The following CCNH variants were observed in gnomAD, a reference collection of about 807,000 sequenced individuals.
CCNH encodes the protein cyclin H.
Under a neutral mutation model 41.9 loss-of-function variants are expected in CCNH, and 31 were observed. That is an observed-to-expected ratio of 0.74 (90% confidence interval 0.56 to 1.00). The LOEUF (loss-of-function observed/expected upper bound fraction) is 1.00, where lower values mean the gene tolerates loss of function less well. CCNH is among the 50% of genes least tolerant of loss of function. The pLI, the probability that CCNH is intolerant of heterozygous loss-of-function variation, is 0.00. For missense variants in CCNH, 362 were observed against 388.4 expected (o/e 0.93, Z 0.57); for synonymous variants, 138 against 136.1 (o/e 1.01, Z -0.10).
chr5:87,368,842 ATCT>A (rs1274832443), intron 9 of CCNH, among the ~76,000 whole-genome samples: 1 of 152,138 alleles, frequency 6.6e-6, no homozygotes, highest in African/African-American at 2.4e-5. Context: ...GGCTCCTCAA[ATCT>A]TAGCTGCTTT....
intron 9 of CCNH, among the ~76,000 whole-genome samples, chr5:87,326,050 C>A (rs1757209472): frequency 6.6e-6 from 1 of 152,008 alleles, no homozygotes; most frequent in Non-Finnish European, 1.5e-5. Flanking sequence ...TGTCTCACTT[C>A]AGGCTTGACT....
chr5:87,404,876 A>T lies in CCNH; in HGVS notation c.657T>A (p.Ser219=). The T allele has an allele frequency of 1.2e-6, 2 of 1,613,616 alleles. No individual in the cohort carries two copies. Among genetic ancestry groups the T allele is most frequent in the Non-Finnish European group, 1.7e-6 (2 of 1,179,726 alleles). ...PSQIALTAIL[S]SASRAGITME... ...TAGTAATTCCAGCCCTGGAGGCACT[A>T]GATAAAATGGCAGTCAGGGCAATTT... The change falls in exon 5 of 9, where the codon TCT becomes TCA. Residue 219 remains serine (S), a synonymous_variant. Coordinates refer to ENST00000256897, the MANE Select transcript of CCNH (RefSeq NM_001239.4).
chr5:87,358,531 C>T (rs1380980083), intron 9 of CCNH, among the ~76,000 whole-genome samples: 4 of 152,170 alleles, frequency 2.6e-5, no homozygotes, highest in Non-Finnish European at 4.4e-5. Context: ...AGAATATGAC[C>T]ACCACCAGAA....
upstream of CCNH, chr5:87,379,687 ATT>A (rs769114964): frequency 1.1e-4 from 173 of 1,601,378 alleles, no homozygotes; most frequent in African/African-American, 2.1e-3. Context: ...ATTCATTTGC[ATT>A]TGTCATTGCC....
intron 9 of CCNH, among the ~76,000 whole-genome samples, chr5:87,367,330 C>G (rs1410033369): frequency 6.6e-6 from 1 of 152,128 alleles, no homozygotes; most frequent in Non-Finnish European, 1.5e-5. Flanking sequence ...TCTTTATTAT[C>G]AAATTAATGC....
chr5:87,392,830 C>T (rs933233932), downstream of CCNH: 4 of 154,296 alleles, frequency 2.6e-5, no homozygotes, highest in Admixed American at 1.9e-4. Context: ...CACACTTTAA[C>T]GTTTTTAATG....
chr5:87,357,953 T>TA (rs1363356240), intron 9 of CCNH, among the ~76,000 whole-genome samples: 1 of 152,210 alleles, frequency 6.6e-6, no homozygotes, highest in Non-Finnish European at 1.5e-5. Flanking sequence ...ATTTGTAGTC[T>TA]ATTATTTTGG....
At chr5:87,377,119 A>C (rs1265150293) in exon 1 of CCNH, 12 of 1,486,120 alleles carry the variant, frequency 8.1e-6, no homozygotes, top group Middle Eastern at 1.7e-4. Context: ...TCTATCTCTG[A>C]ATATACTAAA....
intron 9 of CCNH, among the ~76,000 whole-genome samples, chr5:87,333,500 T>A (rs767303921): frequency 6.6e-6 from 1 of 152,180 alleles, no homozygotes; most frequent in Non-Finnish European, 1.5e-5. Context: ...CTGGGTTGGC[T>A]TATTTGTTCA....
chr5:87,345,140 G>C (rs896510543), intron 9 of CCNH, among the ~76,000 whole-genome samples: 4 of 152,044 alleles, frequency 2.6e-5, no homozygotes, highest in Non-Finnish European at 4.4e-5. Context: ...TCCCACGCCT[G>C]GCCTAGGAGT....
At chr5:87,384,030 C>T (rs573456823) in intron 9 of CCNH, among the ~76,000 whole-genome samples, 31 of 152,050 alleles carry the variant, frequency 2.0e-4, no homozygotes, top group Non-Finnish European at 3.7e-4. Flanking sequence ...CTTTTTTCTA[C>T]CCCTATTTGT....
At chr5:87,381,593 G>T (rs942305673), upstream of CCNH, among the ~76,000 whole-genome samples, 1 of 151,898 alleles carries the variant, frequency 6.6e-6, no homozygotes, top group Admixed American at 6.6e-5. Flanking sequence ...TTTTTTTGGG[G>T]GGCAGGTAAT....
At chr5:87,322,037 T>G (rs1274456825) in intron 9 of CCNH, among the ~76,000 whole-genome samples, 2 of 152,100 alleles carry the variant, frequency 1.3e-5, no homozygotes, top group Non-Finnish European at 2.9e-5. Context: ...ATCTCGTATT[T>G]AATGAGACCT....
At chr5:87,387,229 C>T (rs551484566), downstream of CCNH, among the ~76,000 whole-genome samples, 3 of 151,966 alleles carry the variant, frequency 2.0e-5, no homozygotes, top group Non-Finnish European at 4.4e-5. Flanking sequence ...GCCTCCTTAG[C>T]TTTTTTACTT....
rs527807495 is a variant in CCNH, at chr5:87,332,496, T to C, written c.*91-13599A>G. ...GATTTTTTTATACTGTATTTTTTCC[T>C]GTTCAAATAGGATTATTGCTATGTG... On this transcript the variant is annotated intron_variant and NMD_transcript_variant, in intron 9 of 9. Coordinates refer to the CCNH transcript ENST00000645953. 1.2e-6 allele frequency: 2 copies of C among 1,602,948 alleles called. No individual in the cohort carries two copies. The highest frequency in any genetic ancestry group is 2.2e-5 in the East Asian group (1 of 44,600).
At chr5:87,330,597 A>C (rs1171028736) in intron 9 of CCNH, among the ~76,000 whole-genome samples, 2 of 152,200 alleles carry the variant, frequency 1.3e-5, no homozygotes, top group Non-Finnish European at 1.5e-5. Flanking sequence ...ATATCAGTCC[A>C]TGAGGCTTTT....
At chr5:87,372,336 G>A (rs975876675), downstream of CCNH, 75 of 728,196 alleles carry the variant, frequency 1.0e-4, no homozygotes, top group East Asian at 7.0e-4. Flanking sequence ...GCAGGAAAAC[G>A]TTACTTCTTT....
rs1561341559 is a variant in CCNH at position 87,395,059 on chromosome 5, T to A, written c.918A>T (p.Lys306Asn). The A allele has an allele frequency of 1.2e-6, 2 of 1,611,910 alleles. No individual in the cohort carries two copies. The highest frequency in any genetic ancestry group is 8.5e-7 in the Non-Finnish European group (1 of 1,178,310). ...GYEDDDYVSK[K>N]SKHEEEEWTD... ...TAAAACATACCTCCTCATGTTTGGA[T>A]TTCTTTGAGACGTAATCATCATCTT... Residue 306 changes from lysine to asparagine, a missense_variant, in exon 8 of 9, where the codon AAA becomes AAT. Coordinates refer to ENST00000256897, the MANE Select transcript of CCNH (RefSeq NM_001239.4).
At chr5:87,313,367 G>A in the CCNH span, among the ~76,000 whole-genome samples, 1 of 152,154 alleles carries the variant, frequency 6.6e-6, no homozygotes, top group Non-Finnish European at 1.5e-5. Context: ...CAAATAGTTT[G>A]GAAGCCGGGC....
Sources: gnomAD v4.1 joint callset for allele counts (sites outside exome capture counted in the v4.1 genomes callset) on GRCh38, gnomAD v4.1.1 for gene constraint, MANE v1.5 for transcripts, NCBI Gene and HGNC (gene_info 2026-07-23, HGNC 2026-07-21) for gene names.